Variants in CORO2A observed in about 807,000 individuals in gnomAD.
CORO2A encodes coronin-2A.
CORO2A carries 47 observed loss-of-function variants against 62.4 expected under a neutral mutation model. The ratio of observed to expected loss-of-function variants is 0.75; its 90% confidence interval spans 0.60 to 0.96. The LOEUF is 0.96. CORO2A is among the 40% of genes least tolerant of loss of function. The probability of loss-of-function intolerance (pLI) is 0.00; values close to 1 mark genes in which losing one functional copy is unlikely to be tolerated. For missense variants in CORO2A, 610 were observed against 684.1 expected, an observed-to-expected ratio of 0.89 and a Z score of 1.21; for synonymous variants, 273 against 268.9, an observed-to-expected ratio of 1.02 and a Z score of -0.15.
chr9:98,131,117 G>T, intron 6 of CORO2A, 58 bp from the exon 7 acceptor site: 1 of 1,167,032 alleles, frequency 8.6e-7, no homozygotes, highest in Non-Finnish European at 1.3e-6. Flanking sequence ...CCTCAGTGGT[G>T]CTCCCGGAGA....
chr9:98,177,670 T>C (rs1037273151), intron 1 of CORO2A, among the ~76,000 whole-genome samples: 3 of 151,548 alleles, frequency 2.0e-5, no homozygotes, highest in South Asian at 2.1e-4. Flanking sequence ...GGTTTCACCA[T>C]GTTGGCCTGG....
intron 7 of CORO2A, among the ~76,000 whole-genome samples, chr9:98,130,193 G>A (rs1043255032): frequency 3.3e-5 from 5 of 151,982 alleles, no homozygotes; most frequent in Non-Finnish European, 5.9e-5. Context: ...CCATCTTCCC[G>A]CCTCAGCCTC....
intron 2 of CORO2A, among the ~76,000 whole-genome samples, chr9:98,153,182 C>T (rs1237184749): frequency 2.8e-5 from 4 of 145,148 alleles, no homozygotes; most frequent in Non-Finnish European, 6.1e-5. Context: ...TCATTGCAAC[C>T]CCTGCCTCCC....
At chr9:98,142,391 C>T (rs12340297) in intron 2 of CORO2A, among the ~76,000 whole-genome samples, 27,272 of 152,218 alleles carry the variant, frequency 0.18, 2,697 homozygotes, top group African/African-American at 0.26. Flanking sequence ...TGAGGGAGCA[C>T]CAGTGAGTGC....
At chr9:98,173,876 G>A (rs1255355332) in intron 1 of CORO2A, among the ~76,000 whole-genome samples, 1 of 152,138 alleles carries the variant, frequency 6.6e-6, no homozygotes, top group African/African-American at 2.4e-5. Flanking sequence ...CAGCACTTTG[G>A]GAGGCTGAGG....
chr9:98,142,178 C>G (rs1197994367), intron 2 of CORO2A, among the ~76,000 whole-genome samples: 2 of 152,198 alleles, frequency 1.3e-5, no homozygotes, highest in Non-Finnish European at 2.9e-5. Flanking sequence ...GGAATGGAGC[C>G]CACAGCTGCA....
intron 1 of CORO2A, among the ~76,000 whole-genome samples, chr9:98,177,368 G>C (rs1828121341): frequency 6.6e-6 from 1 of 151,852 alleles, no homozygotes; most frequent in South Asian, 2.1e-4. Context: ...CCCTACTGGA[G>C]CAACGCTTGA....
Position 98,128,227 on chromosome 9 carries a change from T to C in CORO2A, c.1114A>G (p.Thr372Ala). 1 of 1,612,432 alleles carries C rather than the reference T, an allele frequency of 6.2e-7. No individual in the cohort carries two copies. Among genetic ancestry groups the C allele is most frequent in the Non-Finnish European group, 8.5e-7 (1 of 1,179,212 alleles). Residue 372 changes from threonine to alanine, a missense_variant, in exon 10 of 12, where the codon ACA (threonine) becomes GCA (alanine). Transcript: ENST00000375077. ...GTCAGGGAGGGCTGGGCCCCTGCTG[T>C]TGGAGGGTATATGTCCTCTTGGTAG... ...ESYQEDIYPP[T>A]AGAQPSLTAQ...
chr9:98,175,520 C>A (rs1001209366), intron 1 of CORO2A, among the ~76,000 whole-genome samples: 1 of 152,190 alleles, frequency 6.6e-6, no homozygotes, highest in Non-Finnish European at 1.5e-5. Flanking sequence ...TTTTGCTGTG[C>A]GATGCTGTGA....
chr9:98,184,510 C>T (rs906034371), intron 1 of CORO2A, among the ~76,000 whole-genome samples: 17 of 152,178 alleles, frequency 1.1e-4, no homozygotes, highest in South Asian at 2.1e-4. Context: ...TTTCTCTTAC[C>T]GTGACATGGT....
chr9:98,157,755 A>C, intron 1 of CORO2A, 95 bp from the exon 2 acceptor site: 2 of 1,197,744 alleles, frequency 1.7e-6, no homozygotes, highest in Non-Finnish European at 2.4e-6. Context: ...AGAGGGTACG[A>C]GCAGGACAGT....
At chr9:98,137,477 C>T in intron 3 of CORO2A, 95 bp downstream of exon 3, 1 of 980,866 alleles carries the variant, frequency 1.0e-6, no homozygotes, top group Admixed American at 1.7e-5. Context: ...GCGATGGAGT[C>T]AGGGGCACCA....
At chr9:98,163,741 T>TGTGAGAGAGAGA (rs1253283361) in intron 1 of CORO2A, among the ~76,000 whole-genome samples, 15 of 139,630 alleles carry the variant, frequency 1.1e-4, no homozygotes, top group African/African-American at 3.9e-4. Context: ...TGTGTGTGTG[T>TGTGAGAGAGAGA]GAGAGAGAGA....
At chr9:98,127,736 C>A (rs1827346055) in intron 10 of CORO2A, among the ~76,000 whole-genome samples, 1 of 144,596 alleles carries the variant, frequency 6.9e-6, no homozygotes, top group Non-Finnish European at 1.5e-5. Flanking sequence ...ATCACTTGAA[C>A]CTGGGGGTGG....
intron 6 of CORO2A, 146 bp from the exon 7 acceptor site, chr9:98,131,205 G>T (rs974119326): frequency 3.3e-6 from 2 of 607,712 alleles, no homozygotes; most frequent in African/African-American, 3.7e-5. Flanking sequence ...ATGTGTGTGC[G>T]GGGGGAAGAT....
chr9:98,176,444 T>C (rs1462388511), intron 1 of CORO2A, among the ~76,000 whole-genome samples: 1 of 152,184 alleles, frequency 6.6e-6, no homozygotes, highest in Non-Finnish European at 1.5e-5. Context: ...GCTCAACCAG[T>C]GGACTTCCTC....
chr9:98,187,605 C>G (rs4743183), intron 1 of CORO2A, among the ~76,000 whole-genome samples: 28,314 of 152,072 alleles, frequency 0.19, 2,874 homozygotes, highest in South Asian at 0.24. Context: ...CGCCTTCTTA[C>G]TGTGTCCTCA....
At chr9:98,152,625 C>A (rs1827740462) in intron 2 of CORO2A, among the ~76,000 whole-genome samples, 1 of 152,180 alleles carries the variant, frequency 6.6e-6, no homozygotes, top group South Asian at 2.1e-4. Flanking sequence ...ATGATATTTG[C>A]ACTATTTAAC....
chr9:98,177,481 G>C (rs1043965456), intron 1 of CORO2A, among the ~76,000 whole-genome samples: 2 of 31,082 alleles, frequency 6.4e-5, no homozygotes, highest in African/African-American at 4.5e-4. Flanking sequence ...TTTTTTTTTT[G>C]AGACAGAGTC....
Sources: allele counts gnomAD v4.1 joint callset (sites outside exome capture counted in the v4.1 genomes callset), GRCh38; gene constraint gnomAD v4.1.1; transcripts MANE v1.5; gene names NCBI Gene and HGNC (gene_info 2026-07-23, HGNC 2026-07-21).